Variants in SEC31B observed in about 807,000 individuals in gnomAD.
SEC31B encodes SEC31 homolog B, COPII component, also known as protein transport protein Sec31B.
Under a neutral mutation model 135.0 loss-of-function variants are expected in SEC31B, and 113 were observed. That is an observed-to-expected ratio of 0.84 (90% CI 0.72 to 0.98). The LOEUF (loss-of-function observed/expected upper bound fraction) is 0.98, where lower values mean the gene tolerates loss of function less well. SEC31B is among the 50% of genes least tolerant of loss of function. The pLI, the probability that SEC31B is intolerant of heterozygous loss-of-function variation, is 0.00. For missense variants in SEC31B, 1,296 were observed against 1,421.1 expected (o/e 0.91, Z 1.42); for synonymous variants, 508 against 549.4 (o/e 0.92, Z 1.05).
Position 100,498,163 on chromosome 10 carries a change from C to G in SEC31B, c.1729G>C (p.Gly577Arg). The stretch of plus-strand genomic sequence containing the variant: ...TTCAGACACAGCTCCACGGCCGGAC[C>G]CAGTTCCCCAAGCAGGAGAGCCTGG... ...LSQALLLGEL[G>R]PAVELCLKEE... The change falls in exon 15 of 26, where the codon GGT becomes CGT. Residue 577 changes from glycine to arginine, a missense_variant. Physicochemically the swap from Gly to Arg is moderately radical, Grantham distance 125. Transcript: ENST00000370345. 6.2e-7 allele frequency: 1 copy of G among 1,614,178 alleles called. No individual in the cohort carries two copies. The highest frequency in any genetic ancestry group is 8.5e-7 in the Non-Finnish European group (1 of 1,180,030).
intron 3 of SEC31B, among the ~76,000 whole-genome samples, chr10:100,510,089 G>A (rs1851712224): frequency 6.6e-6 from 1 of 152,256 alleles, no homozygotes; most frequent in Admixed American, 6.5e-5. Flanking sequence ...ATGCTAGGAA[G>A]TAGCAGGGTC....
At chr10:100,490,621 G>T in intron 20 of SEC31B, 85 bp downstream of exon 20, 1 of 1,338,860 alleles carries the variant, frequency 7.5e-7, no homozygotes, top group Non-Finnish European at 9.9e-7. Context: ...CAGACATACA[G>T]CTTCCCAAAT....
Position 100,498,101 on chromosome 10 carries a change from C to T in SEC31B, c.1791G>A (p.Gln597=), listed in dbSNP as rs766748253. Residue 597 remains glutamine (Q), a synonymous_variant, in exon 15 of 26, where the codon CAG becomes CAA. Coordinates refer to ENST00000370345, the MANE Select transcript of SEC31B (RefSeq NM_015490.4). ...GCTTCAGCAGATCTGTACCCCCAGC[C>T]TGGGCCAGGATAATGGCATCAGCAA... ...ERFADAIILA[Q]AGGTDLLKQT... The T allele has an allele frequency of 6.2e-7, 1 of 1,614,100 alleles. No homozygotes were observed. Among genetic ancestry groups the T allele is most frequent in the Non-Finnish European group, 8.5e-7 (1 of 1,180,050 alleles).
Position 100,509,316 on chromosome 10 carries a change from CT to C in SEC31B, c.398del (p.Gln133ArgfsTer19). ...AVRALDLNPF[Q>X]GNLLASGASD... is the part of the protein sequence containing the mutation. ...TGTTTGACTAACTGAAATGTAGTAC[CT>C]GGAAAGGATTCAAGTCGAGGGCTCT... On this transcript the variant is annotated frameshift_variant and splice_region_variant, in exon 4 of 26. Coordinates refer to ENST00000370345, the MANE Select transcript of SEC31B (RefSeq NM_015490.4). LOFTEE classifies it high-confidence loss of function. 1.2e-6 allele frequency: 2 copies of C among 1,613,050 alleles called. No homozygotes were observed. Among genetic ancestry groups the C allele is most frequent in the Non-Finnish European group, 1.7e-6 (2 of 1,179,676 alleles).
At chr10:100,494,950 C>T (rs188124144) in intron 19 of SEC31B, 77 of 204,980 alleles carry the variant, frequency 3.8e-4, no homozygotes, top group African/African-American at 1.6e-3. Flanking sequence ...CTCAGCCTCC[C>T]GAGTAGCTGG....
chr10:100,505,883 T>C, intron 9 of SEC31B, 157 bp downstream of exon 9: 1 of 1,504,644 alleles, frequency 6.6e-7, no homozygotes, highest in Non-Finnish European at 8.8e-7. Flanking sequence ...CTAACATCCT[T>C]TCAGGAAGAT....
Position 100,509,485 on chromosome 10 carries a change from A to C in SEC31B, c.230T>G (p.Phe77Cys). The C allele has an allele frequency of 6.2e-7, 1 of 1,613,608 alleles. No individual in the cohort carries two copies. The change falls in exon 4 of 26, where the codon TTT becomes TGT. Residue 77 changes from phenylalanine to cysteine, a missense_variant. By Grantham distance (205) the Phe-to-Cys change is radical (BLOSUM62 -2). Coordinates refer to ENST00000370345, the MANE Select transcript of SEC31B (RefSeq NM_015490.4). ...GGAGCTTTCCAGAAGCCCACTGCCA[A>C]AGCTCCCCCAGACCAGCTTGTGAAA... The part of the protein sequence containing the change: ...SRFHKLVWGS[F>C]GSGLLESSGV...
In SEC31B at chr10:100,496,325, G is replaced by A; in HGVS notation, c.2243C>T (p.Ala748Val). The A allele has an allele frequency of 6.2e-7, 1 of 1,614,220 alleles. No individual in the cohort carries two copies. Residue 748 changes from alanine (A) to valine (V), a missense_variant, in exon 18 of 26, where the codon GCC becomes GTC. Physicochemically the swap from Ala to Val is moderately conservative, Grantham distance 64. Coordinates refer to ENST00000370345, the MANE Select transcript of SEC31B (RefSeq NM_015490.4). ...GCTGCCCTGGGCTGCCAGGAGGTTGGCATACTGAGTGACCCTGTAGGTTGT... is the reference window on the plus strand; with the variant it reads ...GCTGCCCTGGGCTGCCAGGAGGTTGACATACTGAGTGACCCTGTAGGTTGT... Reference protein sequence around the residue: ...PATTYRVTQYANLLAAQGSLA... With the variant: ...PATTYRVTQYVNLLAAQGSLA...
chr10:100,490,593 C>T (rs1315122760), intron 20 of SEC31B, 113 bp downstream of exon 20: 14 of 1,147,738 alleles, frequency 1.2e-5, no homozygotes, highest in Admixed American at 6.3e-5. Context: ...CTTCAACTTC[C>T]AAGCTCCTCT....
chr10:100,493,246 G>A (rs1350614498), intron 19 of SEC31B, among the ~76,000 whole-genome samples: 3 of 152,076 alleles, frequency 2.0e-5, no homozygotes, highest in Non-Finnish European at 2.9e-5. Context: ...GGTGGCGGGC[G>A]CCTGTAGTAC....
intron 7 of SEC31B, 159 bp from the exon 8 acceptor site, chr10:100,506,579 T>A: frequency 1.5e-6 from 1 of 682,068 alleles, no homozygotes; most frequent in Non-Finnish European, 2.4e-6. Context: ...AAATGAGGTT[T>A]TGAAAAATTA....
chr10:100,517,582 G>A (rs545829577), intron 1 of SEC31B, among the ~76,000 whole-genome samples: 2 of 152,220 alleles, frequency 1.3e-5, no homozygotes, highest in East Asian at 1.9e-4. Flanking sequence ...GGCTGGTCTC[G>A]AACTCCTGAC....
Position 100,497,278 on chromosome 10 carries a change from T to A in SEC31B, c.1993A>T (p.Met665Leu), listed in dbSNP as rs753881401. The change falls in exon 17 of 26, where the codon ATG becomes TTG. Residue 665 changes from methionine to leucine, a missense_variant and splice_region_variant. Physicochemically the swap from Met to Leu is conservative, Grantham distance 15. Transcript: ENST00000370345. ...TCCTGTTCCATGCGAGTTCCCAGCA[T>A]GTCTGCAGAGAGAGGGTAATTTCAT... ...GTEKFPELCD[M>L]LGTRMEQEGS... The A allele has an allele frequency of 6.2e-7, 1 of 1,613,752 alleles. No individual in the cohort carries two copies.
chr10:100,515,349 T>C (rs943075250), intron 3 of SEC31B, among the ~76,000 whole-genome samples: 1 of 152,168 alleles, frequency 6.6e-6, no homozygotes, highest in Non-Finnish European at 1.5e-5. Context: ...AATATATAAC[T>C]TGAGTATAAT....
intron 3 of SEC31B, among the ~76,000 whole-genome samples, chr10:100,512,412 C>T (rs1851752839): frequency 6.6e-6 from 1 of 152,186 alleles, no homozygotes; most frequent in Admixed American, 6.5e-5. Context: ...ATTCATCTAA[C>T]AAACCCAACA....
In SEC31B at chr10:100,487,574, G is replaced by C; in HGVS notation, c.*42C>G. 1 of 1,562,438 alleles carries C rather than the reference G, an allele frequency of 6.4e-7. No individual in the cohort carries two copies. Among genetic ancestry groups the C allele is most frequent in the Non-Finnish European group, 8.8e-7 (1 of 1,142,424 alleles). ...CCCCTCTTCTGCAGGGAGGAGTTAT[G>C]TAACAGCAGAAGTGGCCTCCTAGCA... is the stretch of plus-strand genomic sequence containing the variant. On this transcript the variant is annotated 3_prime_UTR_variant, in exon 26 of 26. Coordinates refer to ENST00000370345, the MANE Select transcript of SEC31B (RefSeq NM_015490.4).
At chr10:100,489,491 C>T in intron 22 of SEC31B, 93 bp from the exon 23 acceptor site, 1 of 1,486,796 alleles carries the variant, frequency 6.7e-7, no homozygotes, top group Non-Finnish European at 9.2e-7. Flanking sequence ...AACAAGGAGA[C>T]AGAAGAGTGA....
rs1851699044 is a variant in SEC31B, at chr10:100,509,464, CT to C, written c.250del (p.Ser84AlafsTer19). The C allele has an allele frequency of 1.2e-6, 2 of 1,613,930 alleles. No individual in the cohort carries two copies. The highest frequency in any genetic ancestry group is 3.3e-5 in the Admixed American group (2 of 60,008). ...WGSFGSGLLE[S>X]SGVIVGGGDN... is the part of the protein sequence containing the mutation. ...CCCGCCGCCAACAATAACCCCGGAG[CT>C]TTCCAGAAGCCCACTGCCAAAGCTC... On this transcript the variant is annotated frameshift_variant, in exon 4 of 26. Transcript: ENST00000370345. LOFTEE classifies it high-confidence loss of function.
chr10:100,499,094 G>C (rs1027298111), intron 13 of SEC31B, 66 bp downstream of exon 13: 8 of 1,327,982 alleles, frequency 6.0e-6, no homozygotes, highest in Non-Finnish European at 8.7e-6. Flanking sequence ...GCCAGGAAGG[G>C]AAAGATGCCC....
Sources: allele counts gnomAD v4.1 joint callset (sites outside exome capture counted in the v4.1 genomes callset), GRCh38; gene constraint gnomAD v4.1.1; transcripts MANE v1.5; gene names NCBI Gene and HGNC (gene_info 2026-07-23, HGNC 2026-07-21).